The following RIMS1 variants were observed in gnomAD, a reference collection of about 807,000 sequenced individuals.
RIMS1 encodes the protein regulating synaptic membrane exocytosis protein 1.
RIMS1 carries 83 observed loss-of-function variants against 214.1 expected under a neutral mutation model. The observed-to-expected ratio is 0.39, with a 90% confidence interval of 0.32 to 0.47. RIMS1 has a LOEUF of 0.47. Among genes scored for constraint, RIMS1 ranks in the 20% least tolerant of loss-of-function variants. The pLI, the probability that RIMS1 is intolerant of heterozygous loss-of-function variation, is 0.99. For missense variants in RIMS1, 2,050 were observed against 2,161.8 expected (o/e 0.95, Z 1.03); for synonymous variants, 793 against 786.8 (o/e 1.01, Z -0.13).
At chr6:72,206,842 C>T (rs1327812749) in intron 6 of RIMS1, among the ~76,000 whole-genome samples, 1 of 152,198 alleles carries the variant, frequency 6.6e-6, no homozygotes, top group Non-Finnish European at 1.5e-5. Flanking sequence ...TAGCCTCTAC[C>T]CATCTGCACT....
At chr6:72,218,066 C>A (rs1477750768) in intron 6 of RIMS1, among the ~76,000 whole-genome samples, 1 of 149,666 alleles carries the variant, frequency 6.7e-6, no homozygotes. Context: ...CAAAGGTATG[C>A]AGTTTTCCTA....
At chr6:72,070,318 TGA>T (rs1830301158) in intron 2 of RIMS1, among the ~76,000 whole-genome samples, 1 of 152,168 alleles carries the variant, frequency 6.6e-6, no homozygotes, top group South Asian at 2.1e-4. Flanking sequence ...TATAATCATA[TGA>T]AATATTATTA....
At chr6:71,910,913 C>T (rs1194521125) in intron 1 of RIMS1, among the ~76,000 whole-genome samples, 2 of 152,074 alleles carry the variant, frequency 1.3e-5, no homozygotes, top group Non-Finnish European at 2.9e-5. Flanking sequence ...ATGAGATGAT[C>T]AATCTGGCTC....
At chr6:72,207,672 A>C (rs1296606486) in intron 6 of RIMS1, among the ~76,000 whole-genome samples, 2 of 152,154 alleles carry the variant, frequency 1.3e-5, no homozygotes, top group African/African-American at 4.8e-5. Context: ...ATCAAAGGGA[A>C]GAAACTAACT....
intron 29 of RIMS1, among the ~76,000 whole-genome samples, chr6:72,341,884 A>G (rs1037069542): frequency 8.6e-5 from 13 of 151,804 alleles, no homozygotes; most frequent in Non-Finnish European, 1.3e-4. Flanking sequence ...TTAGCATAAT[A>G]TCTTTTCTCC....
At chr6:71,998,126 A>G (rs183649337) in intron 2 of RIMS1, among the ~76,000 whole-genome samples, 1 of 152,200 alleles carries the variant, frequency 6.6e-6, no homozygotes, top group South Asian at 2.1e-4. Flanking sequence ...CCCTTTCAAT[A>G]TGGTATTATG....
chr6:72,361,959 A>C (rs906025448), intron 29 of RIMS1, among the ~76,000 whole-genome samples: 1 of 147,350 alleles, frequency 6.8e-6, no homozygotes, highest in African/African-American at 2.5e-5. Flanking sequence ...ACATCTTTGG[A>C]GGACCATTAC....
At chr6:71,892,797 A>T (rs768862653) in intron 1 of RIMS1, among the ~76,000 whole-genome samples, 3 of 152,180 alleles carry the variant, frequency 2.0e-5, no homozygotes, top group Non-Finnish European at 2.9e-5. Flanking sequence ...AATAAAGGCG[A>T]ATCCTCTGCT....
chr6:72,060,476 TGG>T (rs1189289130), intron 2 of RIMS1, among the ~76,000 whole-genome samples: 1 of 152,240 alleles, frequency 6.6e-6, no homozygotes. Flanking sequence ...CTTCCTGTTC[TGG>T]CCTCTACCTG....
chr6:72,333,351 T>C (rs1320946307), intron 28 of RIMS1, among the ~76,000 whole-genome samples: 1 of 151,904 alleles, frequency 6.6e-6, no homozygotes, highest in African/African-American at 2.4e-5. Flanking sequence ...TGCACTTATT[T>C]TTACAATCTT....
At chr6:72,126,252 A>G (rs754144904) in intron 4 of RIMS1, among the ~76,000 whole-genome samples, 2 of 152,202 alleles carry the variant, frequency 1.3e-5, no homozygotes, top group African/African-American at 2.4e-5. Flanking sequence ...CTCACTTCTT[A>G]CCTTAAACAA....
At chr6:71,964,903 C>G (rs993374526) in intron 1 of RIMS1, among the ~76,000 whole-genome samples, 10 of 152,098 alleles carry the variant, frequency 6.6e-5, no homozygotes, top group African/African-American at 2.2e-4. Flanking sequence ...GGAAAGGTGG[C>G]CAGCTACAGA....
At chr6:72,289,566 G>C (rs1328109791) in intron 24 of RIMS1, among the ~76,000 whole-genome samples, 1 of 152,050 alleles carries the variant, frequency 6.6e-6, no homozygotes. Context: ...ACATCTTTTT[G>C]TTATCTTCAA....
chr6:71,991,435 A>G (rs1801548746), intron 2 of RIMS1, among the ~76,000 whole-genome samples: 1 of 152,216 alleles, frequency 6.6e-6, no homozygotes, highest in African/African-American at 2.4e-5. Context: ...TTTTTAGGTC[A>G]TACAAATGAC....
chr6:72,151,263 C>T (rs1346033767), intron 4 of RIMS1, among the ~76,000 whole-genome samples: 4 of 152,090 alleles, frequency 2.6e-5, no homozygotes, highest in East Asian at 1.9e-4. Context: ...AGGATGGTCT[C>T]GATCTCCTGA....
At chr6:72,113,584 C>G (rs1441421940) in intron 4 of RIMS1, among the ~76,000 whole-genome samples, 1 of 152,070 alleles carries the variant, frequency 6.6e-6, no homozygotes. Context: ...TTTAAACTTT[C>G]TTTTGAATTC....
intron 24 of RIMS1, among the ~76,000 whole-genome samples, chr6:72,290,111 A>G (rs1441683995): frequency 6.6e-6 from 1 of 152,174 alleles, no homozygotes; most frequent in Non-Finnish European, 1.5e-5. Flanking sequence ...AGCATTCTCC[A>G]CCTTATATTG....
chr6:72,054,007 A>T (rs926825602), intron 2 of RIMS1, among the ~76,000 whole-genome samples: 7 of 152,094 alleles, frequency 4.6e-5, no homozygotes. Flanking sequence ...TGCTGGACCT[A>T]TCAACCTTTC....
chr6:72,160,016 C>T (rs1290627386), intron 4 of RIMS1, among the ~76,000 whole-genome samples: 1 of 132,700 alleles, frequency 7.5e-6, no homozygotes, highest in African/African-American at 2.5e-5. Flanking sequence ...TTCTTCCTAC[C>T]CATGAGCATG....
Sources: gnomAD v4.1 joint callset for allele counts (sites outside exome capture counted in the v4.1 genomes callset) on GRCh38, gnomAD v4.1.1 for gene constraint, MANE v1.5 for transcripts, NCBI Gene and HGNC (gene_info 2026-07-23, HGNC 2026-07-21) for gene names.